ADCY2: variants seen among roughly 807,000 people sequenced by gnomAD.
ADCY2 encodes the protein adenylate cyclase type 2.
Under a neutral mutation model 125.2 loss-of-function variants are expected in ADCY2, and 31 were observed. The ratio of observed to expected loss-of-function variants is 0.25; its 90% CI spans 0.19 to 0.33. The LOEUF (loss-of-function observed/expected upper bound fraction) is 0.33. ADCY2 is among the 10% of genes least tolerant of loss of function. The pLI is 1.00. For missense variants in ADCY2, 904 were observed against 1,418.2 expected, an observed-to-expected ratio of 0.64 and a Z score of 5.82; for synonymous variants, 512 against 548.4, an observed-to-expected ratio of 0.93 and a Z score of 0.93.
intron 2 of ADCY2, among the ~76,000 whole-genome samples, chr5:7,418,650 T>G (rs1740054911): frequency 9.2e-6 from 1 of 108,414 alleles, no homozygotes; most frequent in African/African-American, 4.2e-5. Context: ...ACCTTCTGTT[T>G]TTTTTTTTTT....
intron 2 of ADCY2, among the ~76,000 whole-genome samples, chr5:7,516,296 A>T (rs1452519596): frequency 6.6e-6 from 1 of 152,238 alleles, no homozygotes; most frequent in East Asian, 1.9e-4. Flanking sequence ...CAAATTGCAG[A>T]GTATTATATA....
chr5:7,674,168 G>A lies in ADCY2; in HGVS notation c.721-16523G>A, dbSNP rs540637988. Among the ~76,000 whole-genome samples the A allele has an allele frequency of 2.6e-5, 4 of 152,292 alleles. No homozygotes were observed. In the East Asian group the frequency reaches 7.7e-4, roughly 29 times the overall value. ...CCACGGCATCACTCCTTGCACTTGT[G>A]GTGGTGGTCGTGGTGAGGTTGTTTT... is the stretch of plus-strand genomic sequence containing the variant. On this transcript the variant is annotated intron_variant, in intron 4 of 24. Coordinates refer to ENST00000338316, the MANE Select transcript of ADCY2 (RefSeq NM_020546.3).
intron 3 of ADCY2, among the ~76,000 whole-genome samples, chr5:7,577,277 A>C (rs905246277): frequency 6.6e-6 from 1 of 152,226 alleles, no homozygotes; most frequent in Admixed American, 6.5e-5. Flanking sequence ...ATTTCATATC[A>C]GATATATTAC....
chr5:7,403,838 C>T (rs1288611955), intron 1 of ADCY2, among the ~76,000 whole-genome samples: 2 of 151,990 alleles, frequency 1.3e-5, no homozygotes, highest in African/African-American at 4.8e-5. Flanking sequence ...TTCTTCATAT[C>T]TGTCATATAT....
At chr5:7,554,735 C>G (rs1300215810) in intron 3 of ADCY2, among the ~76,000 whole-genome samples, 1 of 152,054 alleles carries the variant, frequency 6.6e-6, no homozygotes, top group African/African-American at 2.4e-5. Flanking sequence ...CAGGCTCTGG[C>G]TAGAAATTCA....
At position 7,468,748 on chromosome 5, in the gene ADCY2, C is replaced by T. The variant is rs573055557; in HGVS notation, c.409-51990C>T. 7.6e-4 allele frequency among the ~76,000 whole-genome samples: 116 copies of T among 152,262 alleles called. 1 individual carries two copies. The highest frequency in any genetic ancestry group is 1.2e-3 in the Non-Finnish European group (84 of 67,982). ...AGGGCATAGAGGCCGTGAATTCACT[C>T]TATTGCAAAAATTCTATTACTTTGT... On this transcript the variant is annotated intron_variant, in intron 2 of 24. Transcript: ENST00000338316.
At chr5:7,447,680 C>G (rs1469522712) in intron 2 of ADCY2, among the ~76,000 whole-genome samples, 1 of 152,176 alleles carries the variant, frequency 6.6e-6, no homozygotes, top group Non-Finnish European at 1.5e-5. Context: ...CAGGAGGAGG[C>G]TATTCTGAGA....
rs191745514 is a variant in ADCY2, at chr5:7,495,518, T to C, written c.409-25220T>C. ...TTTGTTCCCAGAAAATGAATCTAAA[T>C]CTATTTGCAAAGGAGGATAGTTATT... On this transcript the variant is annotated intron_variant, in intron 2 of 24. Transcript: ENST00000338316. Among the ~76,000 whole-genome samples, 335 of 152,342 alleles carry C rather than the reference T, an allele frequency of 2.2e-3. 2 individuals are homozygous for C. Among genetic ancestry groups the C allele is most frequent in the African/African-American group, 7.5e-3 (310 of 41,590 alleles).
intron 4 of ADCY2, among the ~76,000 whole-genome samples, chr5:7,643,312 T>C (rs1005586839): frequency 1.3e-5 from 2 of 152,114 alleles, no homozygotes; most frequent in African/African-American, 4.8e-5. Context: ...TATCCAGTAA[T>C]ACTGTTGGGA....
At chr5:7,499,677 ATATATG>A (rs1332858319) in intron 2 of ADCY2, among the ~76,000 whole-genome samples, 6 of 131,090 alleles carry the variant, frequency 4.6e-5, no homozygotes, top group African/African-American at 1.4e-4. Flanking sequence ...ATATATATAT[ATATATG>A]TATATATATG....
Position 7,781,230 on chromosome 5 carries a change from C to G in ADCY2, c.2385-3135C>G, listed in dbSNP as rs1463168605. Among the ~76,000 whole-genome samples, 4 of 152,104 alleles carry G rather than the reference C, an allele frequency of 2.6e-5. No individual in the cohort carries two copies. The East Asian group carries it at 5.8e-4, about 22-fold the overall frequency. ...GAGAGGGAGGAGAGAGAGCTCATACCCAACTAGCTGTGCAGCTCATATTTC... is the reference window on the plus strand; with the variant it reads ...GAGAGGGAGGAGAGAGAGCTCATACGCAACTAGCTGTGCAGCTCATATTTC... On this transcript the variant is annotated intron_variant, in intron 18 of 24. Coordinates refer to ENST00000338316, the MANE Select transcript of ADCY2 (RefSeq NM_020546.3).
chr5:7,442,749 C>T (rs1741061791), intron 2 of ADCY2, among the ~76,000 whole-genome samples: 1 of 152,122 alleles, frequency 6.6e-6, no homozygotes, highest in Non-Finnish European at 1.5e-5. Flanking sequence ...TGAAATGAAA[C>T]TTGAATAGGA....
At chr5:7,675,318 A>G (rs6894228) in intron 4 of ADCY2, among the ~76,000 whole-genome samples, 67,548 of 152,016 alleles carry the variant, frequency 0.44, 15,744 homozygotes, top group East Asian at 0.83. Flanking sequence ...ATAATTATTG[A>G]TCATTATTAA....
At position 7,560,442 on chromosome 5, in the gene ADCY2, A is replaced by T. The variant is rs558029887; in HGVS notation, c.570+39543A>T. Among the ~76,000 whole-genome samples, 21 of 152,168 alleles carry T rather than the reference A, an allele frequency of 1.4e-4. 1 individual carries two copies. The highest frequency in any genetic ancestry group is 2.6e-4 in the Admixed American group (4 of 15,272). On this transcript the variant is annotated intron_variant, in intron 3 of 24. Transcript: ENST00000338316. Reference sequence around the variant, plus strand: ...AAAAAGCAATTAAAAAATAGTAACAAATTTTCTAGTGCAAGGGAGAAAATG... The same window carrying T: ...AAAAAGCAATTAAAAAATAGTAACATATTTTCTAGTGCAAGGGAGAAAATG...
At chr5:7,636,362 G>A (rs1473581024) in intron 4 of ADCY2, among the ~76,000 whole-genome samples, 1 of 152,096 alleles carries the variant, frequency 6.6e-6, no homozygotes, top group Non-Finnish European at 1.5e-5. Context: ...CTAATCGGTG[G>A]GTTTAGAACA....
At chr5:7,579,873 C>T (rs2126610706) in intron 3 of ADCY2, among the ~76,000 whole-genome samples, 1 of 152,254 alleles carries the variant, frequency 6.6e-6, no homozygotes, top group African/African-American at 2.4e-5. Context: ...TAAGTGGCCA[C>T]CAGCATTGGA....
intron 3 of ADCY2, among the ~76,000 whole-genome samples, chr5:7,570,804 T>C (rs189875608): frequency 6.6e-6 from 1 of 152,280 alleles, no homozygotes; most frequent in Admixed American, 6.5e-5. Context: ...TAACTTAATT[T>C]CATGGGAGTA....
chr5:7,409,613 C>CT (rs1242125382), intron 1 of ADCY2, among the ~76,000 whole-genome samples: 1 of 152,150 alleles, frequency 6.6e-6, no homozygotes, highest in East Asian at 1.9e-4. Context: ...TCCACATGCA[C>CT]TTCAGAAGAA....
Position 7,817,099 on chromosome 5 carries a change from G to T in ADCY2, c.2998+119G>T, listed in dbSNP as rs550600727. ...AGTAGAACAATTACAAATGCATCCC[G>T]TTGCAAGACTGGATGACAGAAGGAA... On this transcript the variant is annotated intron_variant, in intron 23 of 24. Coordinates refer to ENST00000338316, the MANE Select transcript of ADCY2 (RefSeq NM_020546.3). 7 of 731,918 alleles carry T rather than the reference G, an allele frequency of 9.6e-6. No homozygotes were observed. In the South Asian group the frequency reaches 1.1e-4, roughly 11 times the overall value. 45.3% of individuals were successfully genotyped at this position (731,918 alleles called of 1,614,324 possible).
Sources: allele counts gnomAD v4.1 joint callset (sites outside exome capture counted in the v4.1 genomes callset), GRCh38; gene constraint gnomAD v4.1.1; transcripts MANE v1.5; gene names NCBI Gene and HGNC (gene_info 2026-07-23, HGNC 2026-07-21).